PXDNL: variants seen among roughly 807,000 people sequenced by gnomAD.
PXDNL encodes peroxidasin like, also known as probable oxidoreductase PXDNL.
Under a neutral mutation model 150.8 loss-of-function variants are expected in PXDNL, and 145 were observed. That is an observed-to-expected ratio of 0.96 (90% CI 0.84 to 1.10). PXDNL has a LOEUF of 1.10. Ranked by LOEUF, PXDNL falls within the 50% of genes least tolerant of loss-of-function variation. The pLI is 0.00. For synonymous variants in PXDNL, 757 were observed against 725.7 expected, an observed-to-expected ratio of 1.04 and a Z score of -0.69; for missense variants, 2,087 against 1,873.9, an observed-to-expected ratio of 1.11 and a Z score of -2.10.
In PXDNL at chr8:51,535,033, G is replaced by A. The variant is rs1438156449; in HGVS notation, c.380+21807C>T. 7.0e-5 allele frequency among the ~76,000 whole-genome samples: 8 copies of A among 113,842 alleles called. No individual in the cohort carries two copies. The South Asian group carries it at 1.2e-3, about 17-fold the overall frequency. The allele number at this position is 113,842 out of a possible 152,430, so 74.7% of individuals were successfully genotyped here. The stretch of plus-strand genomic sequence containing the variant: ...AGGTGAGGGGCACCTCTGCCCGGCC[G>A]CCCCTACTGGGAAGTGAGGAGCCCC... On this transcript the variant is annotated intron_variant, in intron 4 of 22. Transcript: ENST00000356297.
intron 21 of PXDNL, among the ~76,000 whole-genome samples, chr8:51,322,828 A>C (rs1460909063): frequency 3.3e-5 from 5 of 152,200 alleles, no homozygotes; most frequent in African/African-American, 1.2e-4. Context: ...TTGGAAGATA[A>C]TTTAGCATGA....
At chr8:51,631,607 G>C (rs1243424119) in intron 2 of PXDNL, among the ~76,000 whole-genome samples, 2 of 152,084 alleles carry the variant, frequency 1.3e-5, no homozygotes, top group Non-Finnish European at 2.9e-5. Context: ...ATATCCAGTA[G>C]AGATAACTAT....
chr8:51,788,092 G>C (rs558046887), intron 1 of PXDNL, among the ~76,000 whole-genome samples: 1 of 152,290 alleles, frequency 6.6e-6, no homozygotes, highest in East Asian at 1.9e-4. Flanking sequence ...CATTTAATAG[G>C]CTACAATATA....
intron 21 of PXDNL, among the ~76,000 whole-genome samples, chr8:51,328,009 A>T (rs1805569648): frequency 6.6e-6 from 1 of 152,212 alleles, no homozygotes; most frequent in Admixed American, 6.5e-5. Flanking sequence ...GTGCTTTTGG[A>T]TGAGATTAAC....
At chr8:51,708,766 A>G (rs1021845528) in intron 1 of PXDNL, among the ~76,000 whole-genome samples, 2 of 152,224 alleles carry the variant, frequency 1.3e-5, no homozygotes, top group Non-Finnish European at 1.5e-5. Flanking sequence ...TATACCAAAC[A>G]AAATTGATGA....
At chr8:51,754,318 T>C (rs553018032) in intron 1 of PXDNL, among the ~76,000 whole-genome samples, 5 of 152,202 alleles carry the variant, frequency 3.3e-5, no homozygotes, top group African/African-American at 7.2e-5. Context: ...TGTGGTTTTA[T>C]GTGCCCCCAG....
intron 1 of PXDNL, among the ~76,000 whole-genome samples, chr8:51,676,502 C>T (rs1170358823): frequency 1.3e-5 from 2 of 152,058 alleles, no homozygotes; most frequent in Non-Finnish European, 2.9e-5. Context: ...GTCTCGAACT[C>T]GTGACCTCAA....
rs200961798 is a variant in PXDNL, at chr8:51,374,607, C to G, written c.3682G>C (p.Asp1228His). Residue 1228 changes from aspartate (D) to histidine (H), a missense_variant, in exon 18 of 23, where the codon GAT (aspartate) becomes CAT (histidine). By Grantham distance (81) the Asp-to-His change is moderately conservative. Transcript: ENST00000356297. The stretch of plus-strand genomic sequence containing the variant: ...CAGATAATCATTCACCTATCTCCAT[C>G]TCTTAGCCGCTGAAACTGGGTAACA... Reference protein sequence around the residue: ...LFVTQFQRLRDGDRFWYENPG... With the variant: ...LFVTQFQRLRHGDRFWYENPG... 44 of 1,613,942 alleles carry G rather than the reference C, an allele frequency of 2.7e-5. No homozygotes were observed. The East Asian group carries it at 8.7e-4, about 32-fold the overall frequency.
intron 1 of PXDNL, among the ~76,000 whole-genome samples, chr8:51,781,458 T>C (rs1227525549): frequency 1.3e-5 from 2 of 152,224 alleles, no homozygotes; most frequent in African/African-American, 4.8e-5. Context: ...GACTTCACAA[T>C]GCATGGAGAT....
At chr8:51,395,721 A>G (rs987463454) in intron 17 of PXDNL, among the ~76,000 whole-genome samples, 1 of 152,218 alleles carries the variant, frequency 6.6e-6, no homozygotes, top group African/African-American at 2.4e-5. Flanking sequence ...CTGAGAAGAG[A>G]TACATAGAAA....
chr8:51,700,190 CA>C (rs1563511437), intron 1 of PXDNL, among the ~76,000 whole-genome samples: 34 of 151,070 alleles, frequency 2.3e-4, no homozygotes, highest in African/African-American at 6.8e-4. Flanking sequence ...CACACACACA[CA>C]CACACCATCA....
intron 2 of PXDNL, among the ~76,000 whole-genome samples, chr8:51,636,445 T>G (rs994800792): frequency 5.9e-5 from 9 of 151,982 alleles, no homozygotes; most frequent in African/African-American, 2.2e-4. Flanking sequence ...ATCTAGAAAA[T>G]CTCAAAGATT....
intron 14 of PXDNL, among the ~76,000 whole-genome samples, chr8:51,422,227 A>T (rs1202982664): frequency 1.1e-4 from 17 of 152,122 alleles, no homozygotes; most frequent in Admixed American, 1.1e-3. Flanking sequence ...TTGTATAATT[A>T]TTTCATTATA....
At position 51,319,627 on chromosome 8, in the gene PXDNL, A is replaced by G. The variant is rs1245136134; in HGVS notation, c.*264T>C. 2.2e-5 allele frequency: 5 copies of G among 228,966 alleles called. No homozygotes were observed. The highest frequency in any genetic ancestry group is 1.1e-4 in the African/African-American group (5 of 44,150). 14.2% of individuals were successfully genotyped at this position (228,966 alleles called of 1,614,324 possible). A position where few individuals can be genotyped will look rare whatever the true frequency, so the allele number is the denominator to read the frequency against. ...CTTTTTATTTCCAGGTGTGGCATAT[A>G]AAACTGACAGCTTACAGTAAGAAAT... On this transcript the variant is annotated 3_prime_UTR_variant, in exon 23 of 23. Transcript: ENST00000356297.
chr8:51,555,527 C>A (rs755328577), intron 4 of PXDNL, among the ~76,000 whole-genome samples: 76 of 152,124 alleles, frequency 5.0e-4, no homozygotes, highest in Non-Finnish European at 8.1e-4. Context: ...TATAACCTAA[C>A]AGTTCAGCCT....
At chr8:51,713,832 A>G (rs1438187795) in intron 1 of PXDNL, among the ~76,000 whole-genome samples, 1 of 152,232 alleles carries the variant, frequency 6.6e-6, no homozygotes, top group Non-Finnish European at 1.5e-5. Flanking sequence ...AACAGATAAT[A>G]ATGTTAGATC....
chr8:51,375,330 C>A (rs1328339933), intron 17 of PXDNL, among the ~76,000 whole-genome samples: 1 of 152,136 alleles, frequency 6.6e-6, no homozygotes, highest in Non-Finnish European at 1.5e-5. Flanking sequence ...AAGCCAACAG[C>A]CTTGGCTCAC....
chr8:51,443,912 G>A (rs1358258013), intron 12 of PXDNL, among the ~76,000 whole-genome samples: 1 of 152,006 alleles, frequency 6.6e-6, no homozygotes, highest in African/African-American at 2.4e-5. Flanking sequence ...TTAAGTTTTA[G>A]GGTATATGTG....
chr8:51,458,907 G>T (rs1415168514), intron 8 of PXDNL, among the ~76,000 whole-genome samples: 1 of 151,994 alleles, frequency 6.6e-6, no homozygotes, highest in African/African-American at 2.4e-5. Context: ...AAGACAATCT[G>T]ATCTTCTTCA....
Sources: allele counts gnomAD v4.1 joint callset (sites outside exome capture counted in the v4.1 genomes callset), GRCh38; gene constraint gnomAD v4.1.1; transcripts MANE v1.5; gene names NCBI Gene and HGNC (gene_info 2026-07-23, HGNC 2026-07-21).